Variants in COIL observed in about 807,000 individuals in gnomAD.
COIL encodes coilin p80.
In COIL, 28 loss-of-function variants were observed where a neutral mutation model predicts 51.6. That is an observed-to-expected ratio of 0.54 (90% CI 0.40 to 0.74). The LOEUF (loss-of-function observed/expected upper bound fraction) is 0.74. COIL is among the 30% of genes least tolerant of loss of function. COIL has a pLI of 0.00. For missense variants in COIL, 667 were observed against 685.9 expected (o/e 0.97, Z 0.31); for synonymous variants, 233 against 255.8 (o/e 0.91, Z 0.85).
rs559133958 is a variant in COIL at position 56,950,013 on chromosome 17, C to T, written c.1229G>A (p.Arg410Gln). 2.4e-5 allele frequency: 38 copies of T among 1,614,042 alleles called. No individual in the cohort carries two copies. Among genetic ancestry groups the T allele is most frequent in the Admixed American group, 8.3e-5 (5 of 60,000 alleles). ...NLFSWKGAKG[R>Q]GMRGRGRGRG... ...TCCTCGACCTCTCCCCCGCATGCCC[C>T]GTCCCTTAGCTCCCTTCCAAGAAAA... Residue 410 changes from arginine (R) to glutamine (Q), a missense_variant, in exon 2 of 7, where the codon CGG (arginine) becomes CAG (glutamine). Coordinates refer to ENST00000240316, the MANE Select transcript of COIL (RefSeq NM_004645.3).
intron 4 of COIL, among the ~76,000 whole-genome samples, chr17:56,948,465 T>G (rs998440076): frequency 6.6e-6 from 1 of 152,082 alleles, no homozygotes; most frequent in Non-Finnish European, 1.5e-5. Context: ...ATAAAGATTT[T>G]AAGTCTTCCA....
chr17:56,952,525 T>C (rs1790992255), intron 1 of COIL: 1 of 243,532 alleles, frequency 4.1e-6, no homozygotes, highest in South Asian at 4.6e-5. Context: ...TAAAGTACAT[T>C]GCCGTTTCCA....
Position 56,954,250 on chromosome 17 carries a change from G to C in COIL, c.246-3254C>G, listed in dbSNP as rs144006683. 1.5e-4 allele frequency among the ~76,000 whole-genome samples: 23 copies of C among 152,104 alleles called. No homozygotes were observed. The East Asian group carries it at 4.3e-3, about 28-fold the overall frequency. ...GCCTTCCAAAACAGCTCTTAGCATC[G>C]TCTCATCCATTCTTAAGACCATGCA... On this transcript the variant is annotated intron_variant, in intron 1 of 6. Transcript: ENST00000240316.
At chr17:56,957,996 A>G (rs1224367859) in intron 1 of COIL, among the ~76,000 whole-genome samples, 1 of 152,234 alleles carries the variant, frequency 6.6e-6, no homozygotes, top group Non-Finnish European at 1.5e-5. Context: ...CCCACAACCT[A>G]GTTCCACTTT....
chr17:56,958,751 G>T (rs1827333282), intron 1 of COIL, among the ~76,000 whole-genome samples: 2 of 152,058 alleles, frequency 1.3e-5, no homozygotes, highest in South Asian at 4.1e-4. Context: ...AATAATCCTT[G>T]AATTGCAGAG....
Position 56,938,973 on chromosome 17 carries a change from T to A in COIL, c.*98A>T. 4 of 627,918 alleles carry A rather than the reference T, an allele frequency of 6.4e-6. No homozygotes were observed. The South Asian group carries it at 9.1e-5, about 14-fold the overall frequency. The allele number at this position is 627,918 out of a possible 1,614,324, so 38.9% of individuals were successfully genotyped here. ...AAAGTGAAGATAACAAAAAAATCCA[T>A]ACAACTTCCAAATCCTCTTTAAAAA... On this transcript the variant is annotated 3_prime_UTR_variant, in exon 7 of 7. Coordinates refer to ENST00000240316, the MANE Select transcript of COIL (RefSeq NM_004645.3).
At chr17:56,955,102 T>G (rs1267955446) in intron 1 of COIL, among the ~76,000 whole-genome samples, 1 of 152,174 alleles carries the variant, frequency 6.6e-6, no homozygotes, top group East Asian at 1.9e-4. Context: ...TTTTGCTCTG[T>G]CGCCCAGGCT....
intron 1 of COIL, chr17:56,952,114 G>A (rs545507679): frequency 2.1e-5 from 9 of 423,272 alleles, no homozygotes; most frequent in East Asian, 6.5e-5. Flanking sequence ...CAGCCCCATC[G>A]TCCAGTTTCT....
In COIL at chr17:56,942,142, G is replaced by C; in HGVS notation, c.1559-19C>G. The C allele has an allele frequency of 6.4e-7, 1 of 1,571,072 alleles. No homozygotes were observed. Among genetic ancestry groups the C allele is most frequent in the East Asian group, 2.2e-5 (1 of 44,690 alleles). ...CTCAAGGCTGAAACAAGAAGATAGG[G>C]AGGAAAGAGAGTAAGTCATTTTTCA... On this transcript the variant is annotated intron_variant, in intron 5 of 6. Transcript: ENST00000240316.
At chr17:56,947,806 G>C (rs1352336825) in intron 4 of COIL, among the ~76,000 whole-genome samples, 2 of 152,072 alleles carry the variant, frequency 1.3e-5, no homozygotes, top group East Asian at 3.8e-4. Flanking sequence ...GTATCATCTA[G>C]AATTACAATT....
Position 56,949,653 on chromosome 17 carries a change from T to A in COIL, c.1440+28A>T, listed in dbSNP as rs775004131. 50 of 1,592,258 alleles carry A rather than the reference T, an allele frequency of 3.1e-5. No homozygotes were observed. The East Asian group carries it at 1.1e-3, about 35-fold the overall frequency. On this transcript the variant is annotated intron_variant, in intron 3 of 6. Coordinates refer to ENST00000240316, the MANE Select transcript of COIL (RefSeq NM_004645.3). ...TATTTGGAAGGGGAATGAACCTTTT[T>A]TGCTGTGACTGTTCTTTTGAAATAT...
In COIL at chr17:56,949,993, G is replaced by A. The variant is rs769488674; in HGVS notation, c.1249C>T (p.Arg417Ter). 6 of 1,614,062 alleles carry A rather than the reference G, an allele frequency of 3.7e-6. No homozygotes were observed. Among genetic ancestry groups the A allele is most frequent in the South Asian group, 3.3e-5 (3 of 91,078 alleles). Residue 417 changes from arginine to a stop codon, truncating the protein, a stop_gained, in exon 2 of 7, where the codon CGA becomes TGA. Transcript: ENST00000240316. LOFTEE classifies it high-confidence loss of function. ...CAGGAAACAGGATGCCCTCGTCCTCGACCTCTCCCCCGCATGCCCCGTCCC... is the reference window on the plus strand; with the variant it reads ...CAGGAAACAGGATGCCCTCGTCCTCAACCTCTCCCCCGCATGCCCCGTCCC... Reference protein sequence around the residue: ...AKGRGMRGRGRGRGHPVSCVV... With the variant: ...AKGRGMRGRG
At chr17:56,942,154 T>G (rs1232715447) in intron 5 of COIL, 31 bp from the exon 6 acceptor site, 1 of 1,539,414 alleles carries the variant, frequency 6.5e-7, no homozygotes, top group African/African-American at 1.4e-5. Context: ...GGAAAGAGAG[T>G]AAGTCATTTT....
In COIL at chr17:56,949,313, C is replaced by T. The variant is rs145742079; in HGVS notation, c.1488+74G>A. 5.3e-4 allele frequency: 619 copies of T among 1,159,146 alleles called. 2 individuals are homozygous for T. In the East Asian group the frequency reaches 0.013, roughly 24 times the overall value. 71.8% of individuals were successfully genotyped at this position (1,159,146 alleles called of 1,614,324 possible). On this transcript the variant is annotated intron_variant, in intron 4 of 6. Transcript: ENST00000240316. ...AGTAAAAAAACAAATCTGTATTATC[C>T]ATACAAGTAGTATTAAATATGACTT...
intron 1 of COIL, among the ~76,000 whole-genome samples, chr17:56,960,496 C>A (rs1472330407): frequency 6.6e-6 from 1 of 151,410 alleles, no homozygotes; most frequent in African/African-American, 2.4e-5. Flanking sequence ...TGTACTCCAG[C>A]CTGGGTGACA....
intron 5 of COIL, among the ~76,000 whole-genome samples, chr17:56,942,518 TC>T (rs1910167731): frequency 6.6e-6 from 1 of 151,518 alleles, no homozygotes; most frequent in Non-Finnish European, 1.5e-5. Context: ...ACACAGGCAG[TC>T]CCCCTTTTTT....
chr17:56,939,167 A>G lies in COIL; in HGVS notation c.1648-13T>C, dbSNP rs776248043. On this transcript the variant is annotated splice_polypyrimidine_tract_variant and intron_variant, in intron 6 of 6. Transcript: ENST00000240316. The stretch of plus-strand genomic sequence containing the variant: ...AAAATACAGTGATCTGAGGAAAAAG[A>G]CAAAATACCCAGTTTAGGCACTTCA... The G allele has an allele frequency of 2.1e-5, 31 of 1,450,722 alleles. No individual in the cohort carries two copies. The highest frequency in any genetic ancestry group is 6.8e-5 in the East Asian group (3 of 44,090). 89.9% of individuals were successfully genotyped at this position (1,450,722 alleles called of 1,614,324 possible).
At chr17:56,946,097 TCCTCCCAATCTTTTATA>T (rs1317512673) in intron 5 of COIL, among the ~76,000 whole-genome samples, 12 of 152,192 alleles carry the variant, frequency 7.9e-5, no homozygotes, top group African/African-American at 2.7e-4. Flanking sequence ...TTTACAAAAT[TCCTCCCAATCTTTTATA>T]GCTGACCCAC....
In COIL at chr17:56,950,391, G is replaced by A; in HGVS notation, c.851C>T (p.Pro284Leu). 1 of 1,614,122 alleles carries A rather than the reference G, an allele frequency of 6.2e-7. No homozygotes were observed. Among genetic ancestry groups the A allele is most frequent in the Non-Finnish European group, 8.5e-7 (1 of 1,180,032 alleles). Residue 284 changes from proline to leucine, a missense_variant, in exon 2 of 7, where the codon CCC (proline) becomes CTC (leucine). Pro to Leu is a moderately conservative substitution (Grantham distance 98, BLOSUM62 -3). Transcript: ENST00000240316. ...GTCTGCAGTTGTATTTTTGGTAGAG[G>A]GTTCTTCCTTTGATAACTCAGTTGG... Reference protein sequence around the residue: ...KLPTELSKEEPSTKNTTADKL... With the variant: ...KLPTELSKEELSTKNTTADKL...
Sources: allele counts gnomAD v4.1 joint callset (sites outside exome capture counted in the v4.1 genomes callset), GRCh38; gene constraint gnomAD v4.1.1; transcripts MANE v1.5; gene names NCBI Gene and HGNC (gene_info 2026-07-23, HGNC 2026-07-21).